Variants in MRPL48 observed in about 807,000 individuals in gnomAD.
MRPL48 encodes the protein large ribosomal subunit protein mL48.
Under a neutral mutation model 32.9 loss-of-function variants are expected in MRPL48, and 16 were observed. The observed-to-expected ratio is 0.49, with a 90% CI of 0.33 to 0.74. MRPL48 has a LOEUF of 0.74. MRPL48 is among the 30% of genes least tolerant of loss of function. The pLI is 0.02. For missense variants in MRPL48, 206 were observed against 245.3 expected (o/e 0.84, Z 1.07); for synonymous variants, 94 against 89.2 (o/e 1.05, Z -0.31).
At chr11:73,818,021 T>G (rs558360717) in intron 3 of MRPL48, 2 of 153,910 alleles carry the variant, frequency 1.3e-5, no homozygotes, top group African/African-American at 4.8e-5. Context: ...TTGTGTTGCC[T>G]AGGCTGGTCT....
intron 1 of MRPL48, among the ~76,000 whole-genome samples, chr11:73,791,190 C>T (rs1947145696): frequency 6.6e-6 from 1 of 151,238 alleles, no homozygotes; most frequent in African/African-American, 2.4e-5. Flanking sequence ...TGGCCCGCTG[C>T]TTTTTCTTTT....
At chr11:73,795,282 C>G (rs368792276) in intron 1 of MRPL48, among the ~76,000 whole-genome samples, 2 of 151,844 alleles carry the variant, frequency 1.3e-5, no homozygotes, top group African/African-American at 2.4e-5. Context: ...AGGCTGGTCT[C>G]GAACACCTGG....
At chr11:73,837,087 G>C (rs1948117311) in intron 4 of MRPL48, among the ~76,000 whole-genome samples, 1 of 152,192 alleles carries the variant, frequency 6.6e-6, no homozygotes, top group Non-Finnish European at 1.5e-5. Flanking sequence ...AAATCCTCGG[G>C]TGTAAATTTT....
intron 3 of MRPL48, among the ~76,000 whole-genome samples, chr11:73,824,839 C>T (rs1477785403): frequency 6.6e-6 from 1 of 152,020 alleles, no homozygotes; most frequent in African/African-American, 2.4e-5. Context: ...GAGAATTTCT[C>T]AAAGAAAGAT....
chr11:73,809,038 C>T (rs1947517299), intron 3 of MRPL48, among the ~76,000 whole-genome samples: 1 of 151,768 alleles, frequency 6.6e-6, no homozygotes, highest in South Asian at 2.1e-4. Flanking sequence ...CTACCTACCC[C>T]AGAGGCCAAG....
chr11:73,822,422 G>A (rs879746034), intron 3 of MRPL48, among the ~76,000 whole-genome samples: 4 of 152,100 alleles, frequency 2.6e-5, no homozygotes, highest in East Asian at 1.9e-4. Flanking sequence ...ACTATACCTC[G>A]AGTATCTCAA....
intron 5 of MRPL48, among the ~76,000 whole-genome samples, chr11:73,849,175 C>G (rs1948346497): frequency 1.3e-5 from 2 of 152,100 alleles, no homozygotes; most frequent in South Asian, 4.2e-4. Context: ...CTTGCTCTGT[C>G]TCCTGAGCTG....
At chr11:73,853,351 A>G (rs760832078) in intron 5 of MRPL48, among the ~76,000 whole-genome samples, 11 of 152,144 alleles carry the variant, frequency 7.2e-5, no homozygotes, top group Non-Finnish European at 1.5e-4. Flanking sequence ...TATCCCATAT[A>G]CCCTATAAAT....
chr11:73,849,416 T>G (rs981002020), intron 5 of MRPL48, among the ~76,000 whole-genome samples: 2 of 152,212 alleles, frequency 1.3e-5, no homozygotes, highest in African/African-American at 4.8e-5. Context: ...GGATTACGGG[T>G]GTGAGCCACT....
intron 5 of MRPL48, among the ~76,000 whole-genome samples, chr11:73,845,299 A>G (rs1442414233): frequency 2.6e-5 from 4 of 152,078 alleles, no homozygotes; most frequent in African/African-American, 7.2e-5. Context: ...GGCCTCTTTC[A>G]CTTAGTATAA....
chr11:73,859,503 AT>A (rs1019483266), intron 5 of MRPL48, among the ~76,000 whole-genome samples: 3 of 151,878 alleles, frequency 2.0e-5, no homozygotes, highest in Non-Finnish European at 4.4e-5. Context: ...CTGGTCTTGA[AT>A]TCCTGAGCTC....
At chr11:73,808,840 T>C (rs934366822) in intron 3 of MRPL48, among the ~76,000 whole-genome samples, 6 of 151,970 alleles carry the variant, frequency 3.9e-5, no homozygotes, top group African/African-American at 1.2e-4. Flanking sequence ...GGAGAATCGC[T>C]TGAGCTCGGG....
chr11:73,827,489 C>T (rs1384366569), intron 4 of MRPL48, among the ~76,000 whole-genome samples: 1 of 152,122 alleles, frequency 6.6e-6, no homozygotes, highest in Non-Finnish European at 1.5e-5. Context: ...TTCTTTGGCT[C>T]CAGTTAGATT....
At chr11:73,810,856 A>G (rs1179989271) in intron 3 of MRPL48, among the ~76,000 whole-genome samples, 1 of 152,174 alleles carries the variant, frequency 6.6e-6, no homozygotes, top group African/African-American at 2.4e-5. Flanking sequence ...TGCAAAGGAT[A>G]TATTAAGCAG....
Position 73,794,184 on chromosome 11 carries a change from GTATCTATCTATC to G in MRPL48, c.21+6227_21+6238del, listed in dbSNP as rs56944899. 1.7e-3 allele frequency among the ~76,000 whole-genome samples: 240 copies of G among 139,292 alleles called. 2 individuals are homozygous for G. The highest frequency in any genetic ancestry group is 5.7e-3 in the African/African-American group (212 of 37,444). 91.4% of individuals were successfully genotyped at this position (139,292 alleles called of 152,430 possible). Reference sequence around the variant, plus strand: ...AGCCTGGGTAACAGAGTGAGACCCTGTATCTATCTATCTATCTATCTATCTATCTATCTATCT... The same window carrying G: ...AGCCTGGGTAACAGAGTGAGACCCTGTATCTATCTATCTATCTATCTATCT... On this transcript the variant is annotated intron_variant, in intron 1 of 7. Coordinates refer to ENST00000310614, the MANE Select transcript of MRPL48 (RefSeq NM_016055.6).
At chr11:73,845,861 A>C (rs1948278315) in intron 5 of MRPL48, among the ~76,000 whole-genome samples, 1 of 152,106 alleles carries the variant, frequency 6.6e-6, no homozygotes, top group African/African-American at 2.4e-5. Context: ...AGAGGTCAGG[A>C]GTTCGAGACT....
chr11:73,835,432 G>A (rs7948076), intron 4 of MRPL48, among the ~76,000 whole-genome samples: 8,363 of 152,206 alleles, frequency 0.055, 254 homozygotes, highest in Middle Eastern at 0.11. Flanking sequence ...GAGCCACCGC[G>A]CCCACCCTGT....
chr11:73,814,993 C>CATAA (rs142219300), intron 3 of MRPL48, among the ~76,000 whole-genome samples: 40,580 of 148,968 alleles, frequency 0.27, 5,571 homozygotes, highest in South Asian at 0.34. Context: ...GACTTGGTCT[C>CATAA]ATAAATAAAT....
chr11:73,848,300 A>G (rs537588600), intron 5 of MRPL48, among the ~76,000 whole-genome samples: 3 of 151,876 alleles, frequency 2.0e-5, no homozygotes, highest in Non-Finnish European at 4.4e-5. Flanking sequence ...ATGTGGGTCT[A>G]TTTCTCTGCT....
Sources: gnomAD v4.1 joint callset for allele counts (sites outside exome capture counted in the v4.1 genomes callset) on GRCh38, gnomAD v4.1.1 for gene constraint, MANE v1.5 for transcripts, NCBI Gene and HGNC (gene_info 2026-07-23, HGNC 2026-07-21) for gene names.